The following ANOS1 variants were observed in gnomAD, a reference collection of about 807,000 sequenced individuals.
ANOS1 encodes anosmin 1.
ANOS1 carries 6 observed loss-of-function variants against 59.0 expected under a neutral mutation model. That is an observed-to-expected ratio of 0.10 (90% CI 0.06 to 0.20). The LOEUF is 0.20. Ranked by LOEUF, ANOS1 falls within the 10% of genes least tolerant of loss-of-function variation. The probability of loss-of-function intolerance (pLI) is 1.00; values close to 1 mark genes in which losing one functional copy is unlikely to be tolerated. For synonymous variants in ANOS1, 217 were observed against 223.4 expected, an observed-to-expected ratio of 0.97 and a Z score of 0.25; for missense variants, 433 against 542.3, an observed-to-expected ratio of 0.80 and a Z score of 2.00.
intron 3 of ANOS1, among the ~76,000 whole-genome samples, chrX:8,619,675 G>A (rs529060900): frequency 7.1e-5 from 8 of 112,056 alleles, no homozygotes; most frequent in Non-Finnish European, 1.1e-4. Context: ...AAAAGTTACC[G>A]TGCAAATTAT....
rs576084050 is a variant in ANOS1, at chrX:8,617,508, C to T, written c.318+6100G>A. Among the ~76,000 whole-genome samples the T allele has an allele frequency of 4.0e-4, 45 of 111,512 alleles. No individual in the cohort carries two copies. The South Asian group carries it at 5.7e-3, about 14-fold the overall frequency. ...TAATTAACTATGATTTGGCCAGGCG[C>T]AGTGGCTCACGCCTGTAATCCCAGC... On this transcript the variant is annotated intron_variant, in intron 3 of 13. Transcript: ENST00000262648.
At chrX:8,673,224 T>TCC (rs1463223140) in intron 2 of ANOS1, among the ~76,000 whole-genome samples, 7 of 109,610 alleles carry the variant, frequency 6.4e-5, no homozygotes, top group African/African-American at 2.3e-4. Flanking sequence ...CACTGAATGT[T>TCC]CCATGCACGG....
At chrX:8,609,932 G>A (rs765257670) in intron 3 of ANOS1, among the ~76,000 whole-genome samples, 51 of 99,285 alleles carry the variant, frequency 5.1e-4, no homozygotes, top group Non-Finnish European at 9.5e-4. Context: ...GTGTGAACCC[G>A]GGAGGCGGAG....
chrX:8,581,938 C>T (rs764682232), intron 6 of ANOS1, among the ~76,000 whole-genome samples: 1 of 111,826 alleles, frequency 8.9e-6, no homozygotes. Context: ...GTAGAAACAA[C>T]AACACAACAT....
chrX:8,613,086 C>A (rs1323338706), intron 3 of ANOS1, among the ~76,000 whole-genome samples: 4 of 112,416 alleles, frequency 3.6e-5, no homozygotes, highest in African/African-American at 1.3e-4. Flanking sequence ...ATCATGTTTA[C>A]AATGCATTGG....
At chrX:8,706,240 G>A (rs894564133) in intron 1 of ANOS1, among the ~76,000 whole-genome samples, 3 of 111,983 alleles carry the variant, frequency 2.7e-5, no homozygotes, top group Admixed American at 9.5e-5. Flanking sequence ...GCCAGGTGTC[G>A]GCATGGAACA....
intron 1 of ANOS1, among the ~76,000 whole-genome samples, 174 bp downstream of exon 1, chrX:8,731,656 C>T (rs1932978569): frequency 8.9e-6 from 1 of 112,402 alleles, no homozygotes; most frequent in Non-Finnish European, 1.9e-5. Context: ...CGGGAAGAGG[C>T]TGGAAAGGAG....
chrX:8,577,321 T>G (rs1052185936), intron 6 of ANOS1, among the ~76,000 whole-genome samples: 2 of 111,787 alleles, frequency 1.8e-5, no homozygotes, highest in Non-Finnish European at 3.8e-5. Flanking sequence ...CCTCTTCAAG[T>G]GAGAGGATGG....
At chrX:8,597,403 C>A in intron 3 of ANOS1, 147 bp from the exon 4 acceptor site, 1 of 522,982 alleles carries the variant, frequency 1.9e-6, no homozygotes, top group Non-Finnish European at 3.2e-6. Context: ...TTTCTTTTCT[C>A]CTATCCAAGT....
intron 2 of ANOS1, among the ~76,000 whole-genome samples, chrX:8,685,993 T>C (rs1386631738): frequency 1.8e-5 from 2 of 111,991 alleles, no homozygotes; most frequent in Admixed American, 9.5e-5. Context: ...ACTACCACAT[T>C]TCCCATCAGG....
chrX:8,628,057 A>T (rs1213056285), intron 2 of ANOS1, among the ~76,000 whole-genome samples: 2 of 111,537 alleles, frequency 1.8e-5, no homozygotes, highest in Non-Finnish European at 3.8e-5. Context: ...GTGATGAAAC[A>T]GGATGCAGTA....
At chrX:8,672,111 G>A (rs1233967962) in intron 2 of ANOS1, among the ~76,000 whole-genome samples, 1 of 110,403 alleles carries the variant, frequency 9.1e-6, no homozygotes, top group African/African-American at 3.3e-5. Context: ...TCTCTTCCTG[G>A]AAGAAATCAC....
At chrX:8,606,137 A>C (rs1011344327) in intron 3 of ANOS1, among the ~76,000 whole-genome samples, 4 of 112,291 alleles carry the variant, frequency 3.6e-5, no homozygotes, top group African/African-American at 1.3e-4. Context: ...TGTCCAATCC[A>C]AGTGTACTTT....
chrX:8,586,474 G>T (rs998001352), intron 5 of ANOS1, among the ~76,000 whole-genome samples: 1 of 112,011 alleles, frequency 8.9e-6, no homozygotes, highest in African/African-American at 3.2e-5. Flanking sequence ...TATCCACAGC[G>T]TTTAGCAGAG....
chrX:8,590,938 T>A (rs919256016), intron 4 of ANOS1, among the ~76,000 whole-genome samples: 1 of 112,093 alleles, frequency 8.9e-6, no homozygotes, highest in African/African-American at 3.2e-5. Context: ...ATTACTCACA[T>A]GTACATTCAC....
At chrX:8,725,396 T>A (rs1374640634) in intron 1 of ANOS1, among the ~76,000 whole-genome samples, 3 of 109,740 alleles carry the variant, frequency 2.7e-5, no homozygotes, top group African/African-American at 9.9e-5. Flanking sequence ...TTATTTTGAA[T>A]AAATATGATA....
At chrX:8,727,787 C>T (rs138000561) in intron 1 of ANOS1, among the ~76,000 whole-genome samples, 14 of 112,247 alleles carry the variant, frequency 1.2e-4, no homozygotes, top group Non-Finnish European at 2.4e-4. Context: ...CCACCATTCC[C>T]GAGTCTGGCC....
Position 8,731,881 on chromosome X carries a change from C to T in ANOS1, c.156G>A (p.Arg52=), listed in dbSNP as rs1279517400. Residue 52 remains arginine, a synonymous_variant, in exon 1 of 14, where the codon AGG becomes AGA. Transcript: ENST00000262648. ...GSVQRARCAS[R]CLSLQITRIS... is the part of the protein sequence containing the mutation. The stretch of plus-strand genomic sequence containing the variant: ...TGCGAGTGATCTGCAGGCTCAGGCA[C>T]CTGGAGGCGCAGCGAGCGCGCTGGA... The T allele has an allele frequency of 1.9e-5, 23 of 1,192,865 alleles. No individual in the cohort carries two copies. The highest frequency in any genetic ancestry group is 2.4e-5 in the Non-Finnish European group (21 of 888,099).
At chrX:8,614,330 TAG>T (rs2053899783) in intron 3 of ANOS1, among the ~76,000 whole-genome samples, 1 of 112,377 alleles carries the variant, frequency 8.9e-6, no homozygotes. Flanking sequence ...CTCTATGCTC[TAG>T]AGACAGTGTT....
Sources: gnomAD v4.1 joint callset for allele counts (sites outside exome capture counted in the v4.1 genomes callset) on GRCh38, gnomAD v4.1.1 for gene constraint, MANE v1.5 for transcripts, NCBI Gene and HGNC (gene_info 2026-07-23, HGNC 2026-07-21) for gene names.